STPG2: variants seen among roughly 807,000 people sequenced by gnomAD.
STPG2 encodes sperm-tail PG-rich repeat-containing protein 2.
STPG2 carries 56 observed loss-of-function variants against 54.2 expected under a neutral mutation model. The observed-to-expected ratio is 1.03, with a 90% confidence interval of 0.83 to 1.29. STPG2 has a LOEUF of 1.29. STPG2 is among the 50% of genes most tolerant of loss of function. The pLI is 0.00. For missense variants in STPG2, 596 were observed against 544.9 expected, an observed-to-expected ratio of 1.09 and a Z score of -0.93; for synonymous variants, 200 against 181.8, an observed-to-expected ratio of 1.10 and a Z score of -0.81.
intron 10 of STPG2, among the ~76,000 whole-genome samples, chr4:97,638,285 A>G (rs1268818027): frequency 6.6e-6 from 1 of 152,180 alleles, no homozygotes; most frequent in Non-Finnish European, 1.5e-5. Flanking sequence ...AAAACTGGCT[A>G]GCCATATGTA....
At chr4:97,605,177 T>C (rs910149892) in intron 10 of STPG2, among the ~76,000 whole-genome samples, 1 of 151,820 alleles carries the variant, frequency 6.6e-6, no homozygotes, top group African/African-American at 2.4e-5. Context: ...CTCTACACTG[T>C]ATTTCATTAC....
At chr4:97,636,429 G>A (rs1721533579) in intron 10 of STPG2, among the ~76,000 whole-genome samples, 1 of 143,788 alleles carries the variant, frequency 7.0e-6, no homozygotes, top group African/African-American at 2.6e-5. Context: ...ACAATTAAAA[G>A]AACTAGAAAA....
chr4:97,830,043 G>A (rs1048548446), intron 9 of STPG2, among the ~76,000 whole-genome samples: 5 of 152,028 alleles, frequency 3.3e-5, no homozygotes, highest in East Asian at 3.9e-4. Flanking sequence ...GATACTACTC[G>A]AGAAGAGAAA....
intron 4 of STPG2, among the ~76,000 whole-genome samples, chr4:97,511,759 T>A: frequency 6.6e-6 from 1 of 151,858 alleles, no homozygotes; most frequent in East Asian, 1.9e-4. Context: ...AATAAAAATA[T>A]ATAGAAAACA....
intron 1 of STPG2, among the ~76,000 whole-genome samples, chr4:98,140,794 G>A (rs1285562494): frequency 1.3e-5 from 2 of 152,024 alleles, no homozygotes. Context: ...TATGACTCAA[G>A]GACATCAACA....
At chr4:97,844,707 GT>G (rs988647861) in intron 8 of STPG2, among the ~76,000 whole-genome samples, 14 of 151,672 alleles carry the variant, frequency 9.2e-5, no homozygotes, top group African/African-American at 2.7e-4. Flanking sequence ...GGATATAGTG[GT>G]TTTTTTTATT....
intron 10 of STPG2, among the ~76,000 whole-genome samples, chr4:97,635,328 C>T (rs966134720): frequency 2.0e-5 from 3 of 152,206 alleles, no homozygotes; most frequent in East Asian, 3.8e-4. Context: ...CCTAAAAGAG[C>T]TCCTGAAGGA....
chr4:97,917,952 A>G (rs1004898287), intron 8 of STPG2, among the ~76,000 whole-genome samples: 6 of 152,226 alleles, frequency 3.9e-5, no homozygotes, highest in Non-Finnish European at 8.8e-5. Flanking sequence ...CTTAAATATA[A>G]AAGTATGTAC....
rs543256117 is a variant in STPG2 at position 98,005,955 on chromosome 4, T to C, written c.613-24637A>G. 2.0e-4 allele frequency among the ~76,000 whole-genome samples: 30 copies of C among 152,330 alleles called. No homozygotes were observed. The South Asian group carries it at 5.8e-3, about 29-fold the overall frequency. The stretch of plus-strand genomic sequence containing the variant: ...TTAAGAAGGATTGGTGTTAACTCTT[T>C]AAATGTTTACTATCATTCACCAATT... On this transcript the variant is annotated intron_variant, in intron 5 of 10. Transcript: ENST00000295268.
In STPG2 at chr4:97,981,173, G is replaced by A; in HGVS notation, c.758C>T (p.Thr253Ile). 6.2e-7 allele frequency: 1 copy of A among 1,613,826 alleles called. No individual in the cohort carries two copies. Among genetic ancestry groups the A allele is most frequent in the Non-Finnish European group, 8.5e-7 (1 of 1,179,920 alleles). Residue 253 changes from threonine to isoleucine, a missense_variant, in exon 6 of 11, where the codon ACA becomes ATA. Transcript: ENST00000295268. The stretch of plus-strand genomic sequence containing the variant: ...AAATTGCTAACCTGGCATTTCCTCT[G>A]TCCTGATGTCCTGTGTGAATCGAAC... Reference protein sequence around the residue: ...SAVRFTQDIRTEEMPGPGFYN... With the variant: ...SAVRFTQDIRIEEMPGPGFYN...
At chr4:98,139,950 C>T (rs557542041) in intron 1 of STPG2, among the ~76,000 whole-genome samples, 3 of 152,080 alleles carry the variant, frequency 2.0e-5, no homozygotes, top group South Asian at 4.1e-4. Flanking sequence ...GAGTAAAGAT[C>T]GTGGTTATTG....
intron 10 of STPG2, among the ~76,000 whole-genome samples, chr4:97,563,673 T>C (rs1354160922): frequency 6.6e-6 from 1 of 152,226 alleles, no homozygotes; most frequent in African/African-American, 2.4e-5. Context: ...AACATCTTTA[T>C]TTCTGCCTTC....
At chr4:97,898,768 T>C (rs931591616) in intron 8 of STPG2, among the ~76,000 whole-genome samples, 1 of 151,664 alleles carries the variant, frequency 6.6e-6, no homozygotes, top group Non-Finnish European at 1.5e-5. Context: ...AAATTAAAAT[T>C]TTAAAATTCT....
intron 9 of STPG2, among the ~76,000 whole-genome samples, chr4:97,725,766 C>A (rs910315603): frequency 3.3e-5 from 5 of 151,210 alleles, no homozygotes; most frequent in Non-Finnish European, 7.4e-5. Flanking sequence ...AGATAGAATT[C>A]TTCAAATGTA....
intron 10 of STPG2, among the ~76,000 whole-genome samples, chr4:97,565,818 C>T (rs922171454): frequency 1.3e-5 from 2 of 148,280 alleles, no homozygotes; most frequent in African/African-American, 4.9e-5. Context: ...GAGTACCCGG[C>T]CGTGTGAGGT....
At chr4:97,479,204 C>T in intron 4 of STPG2, among the ~76,000 whole-genome samples, 1 of 151,846 alleles carries the variant, frequency 6.6e-6, no homozygotes, top group South Asian at 2.1e-4. Context: ...AATCAAAATA[C>T]TTACAATAAA....
chr4:97,724,299 G>T (rs1040933310), intron 9 of STPG2, among the ~76,000 whole-genome samples: 2 of 151,796 alleles, frequency 1.3e-5, no homozygotes, highest in African/African-American at 4.8e-5. Flanking sequence ...ATCTTAAGTG[G>T]GGTTACATTT....
chr4:97,885,849 C>T (rs1196669780), intron 8 of STPG2, among the ~76,000 whole-genome samples: 1 of 151,972 alleles, frequency 6.6e-6, no homozygotes, highest in Non-Finnish European at 1.5e-5. Context: ...AACTCACAAA[C>T]AACTTGAGAA....
intron 8 of STPG2, among the ~76,000 whole-genome samples, chr4:97,922,197 GTTAA>G (rs1160466082): frequency 6.6e-6 from 1 of 151,996 alleles, no homozygotes; most frequent in Non-Finnish European, 1.5e-5. Context: ...TGATGAATAT[GTTAA>G]TTAGTTTTAT....
Sources: gnomAD v4.1 joint callset for allele counts (sites outside exome capture counted in the v4.1 genomes callset) on GRCh38, gnomAD v4.1.1 for gene constraint, MANE v1.5 for transcripts, NCBI Gene and HGNC (gene_info 2026-07-23, HGNC 2026-07-21) for gene names.